TYW1B: variants seen among roughly 807,000 people sequenced by gnomAD.
The protein encoded by TYW1B is tRNA-yW synthesizing protein 1 homolog B.
In TYW1B, 73 loss-of-function variants were observed where a neutral mutation model predicts 86.9. The observed-to-expected ratio is 0.84, with a 90% CI of 0.70 to 1.02. The LOEUF (loss-of-function observed/expected upper bound fraction) is 1.02, where lower values mean the gene tolerates loss of function less well. Among genes scored for constraint, TYW1B ranks in the 50% least tolerant of loss-of-function variants. The pLI is 0.00. For synonymous variants in TYW1B, 248 were observed against 292.8 expected, an observed-to-expected ratio of 0.85 and a Z score of 1.56; for missense variants, 637 against 827.4, an observed-to-expected ratio of 0.77 and a Z score of 2.82.
chr7:72,630,138 G>A (rs1223867314), intron 11 of TYW1B, among the ~76,000 whole-genome samples: 3 of 152,070 alleles, frequency 2.0e-5, no homozygotes, highest in Admixed American at 1.3e-4. Flanking sequence ...AATGAGCCAG[G>A]CGTGGCGGCG....
intron 13 of TYW1B, among the ~76,000 whole-genome samples, chr7:72,616,326 T>C (rs1285481125): frequency 6.6e-6 from 1 of 152,166 alleles, no homozygotes; most frequent in Non-Finnish European, 1.5e-5. Context: ...TAGAAACCCA[T>C]ATGGGGACTA....
intron 2 of TYW1B, 88 bp from the exon 3 acceptor site, chr7:72,815,569 T>A: frequency 8.2e-7 from 1 of 1,212,686 alleles, no homozygotes; most frequent in Non-Finnish European, 1.2e-6. Context: ...GAATGTGGCA[T>A]TCCTCATGAA....
In TYW1B at chr7:72,575,148, C is replaced by T; in HGVS notation, c.*350G>A. 22 of 1,082,204 alleles carry T rather than the reference C, an allele frequency of 2.0e-5. No individual in the cohort carries two copies. The highest frequency in any genetic ancestry group is 3.2e-5 in the South Asian group (1 of 31,120). 67.0% of individuals were successfully genotyped at this position (1,082,204 alleles called of 1,614,324 possible). ...GTGAGGGGAAGAGGCCCAGGGATTTCTTCCTTGTCTGACACTCTCAGGACT... is the reference window on the plus strand; with the variant it reads ...GTGAGGGGAAGAGGCCCAGGGATTTTTTCCTTGTCTGACACTCTCAGGACT... On this transcript the variant is annotated 3_prime_UTR_variant, in exon 14 of 14. Transcript: ENST00000620995.
intron 10 of TYW1B, among the ~76,000 whole-genome samples, chr7:72,712,482 T>C (rs1554454972): frequency 1.3e-5 from 2 of 152,006 alleles, no homozygotes; most frequent in African/African-American, 4.8e-5. Context: ...GCATGCACCA[T>C]CATGCCCAGC....
At position 72,744,600 on chromosome 7, in the gene TYW1B, G is replaced by A. The variant is rs782539677; in HGVS notation, c.966C>T (p.Val322=). The A allele has an allele frequency of 2.5e-5, 41 of 1,613,440 alleles. 1 individual carries two copies. Among genetic ancestry groups the A allele is most frequent in the South Asian group, 2.1e-4 (19 of 91,062 alleles). Residue 322 remains valine, a splice_region_variant and synonymous_variant, in exon 8 of 14, where the codon GTC becomes GTT. Transcript: ENST00000620995. ...ACAAGCTCCTCTCCCTCGGAGCATC[G>A]ACTATGACAAGTAAACAAATCACAA... ...PALREALTKQ[V]DAPRERSLLQ...
intron 6 of TYW1B, among the ~76,000 whole-genome samples, chr7:72,786,022 T>C (rs371773949): frequency 5.9e-5 from 9 of 151,866 alleles, no homozygotes; most frequent in East Asian, 3.9e-4. Flanking sequence ...TGAGGCAGAA[T>C]TGCATGAACC....
At chr7:72,775,521 T>C (rs2129572005) in intron 7 of TYW1B, among the ~76,000 whole-genome samples, 1 of 152,276 alleles carries the variant, frequency 6.6e-6, no homozygotes, top group Admixed American at 6.5e-5. Context: ...CAGTAACATC[T>C]GTAAAGTACT....
Position 72,655,342 on chromosome 7 carries a change from C to T in TYW1B, c.1507-26345G>A, listed in dbSNP as rs545031874. On this transcript the variant is annotated intron_variant, in intron 11 of 13. Transcript: ENST00000620995. ...AGGAGGCTTTCTGGAATCCACATGA[C>T]TAACCGTTCCAGAGAGAGAATTCAC... Among the ~76,000 whole-genome samples, 81 of 152,296 alleles carry T rather than the reference C, an allele frequency of 5.3e-4. No individual in the cohort carries two copies. In the South Asian group the frequency reaches 0.012, roughly 22 times the overall value.
chr7:72,802,043 T>C (rs1156253832), intron 6 of TYW1B, among the ~76,000 whole-genome samples: 1 of 7,362 alleles, frequency 1.4e-4, no homozygotes, highest in East Asian at 3.5e-3. Flanking sequence ...ATTTTGCGAT[T>C]TTTTTTTTTT....
intron 8 of TYW1B, among the ~76,000 whole-genome samples, chr7:72,733,964 CA>C (rs1293556035): frequency 5.9e-5 from 9 of 152,026 alleles, no homozygotes; most frequent in Non-Finnish European, 7.4e-5. Context: ...TACATGACTT[CA>C]AAATATACTA....
chr7:72,741,592 T>A (rs2129571295), intron 8 of TYW1B, among the ~76,000 whole-genome samples: 1 of 152,102 alleles, frequency 6.6e-6, no homozygotes, highest in South Asian at 2.1e-4. Context: ...TATTGAAAAA[T>A]TCCCAAATTT....
Position 72,697,120 on chromosome 7 carries a change from A to G in TYW1B, c.1371-2298T>C, listed in dbSNP as rs534115548. On this transcript the variant is annotated intron_variant, in intron 10 of 13. Coordinates refer to ENST00000620995, the MANE Select transcript of TYW1B (RefSeq NM_001145440.3). ...ATCTGATAACTAACAGGACTTTGTC[A>G]AAAGCTTCCTGATGCAAAATGAGAA... Among the ~76,000 whole-genome samples the G allele has an allele frequency of 7.7e-4, 117 of 152,084 alleles. 1 individual carries two copies. The highest frequency in any genetic ancestry group is 2.5e-3 in the African/African-American group (105 of 41,486).
intron 7 of TYW1B, among the ~76,000 whole-genome samples, chr7:72,761,650 T>C (rs1193497042): frequency 6.6e-6 from 1 of 151,834 alleles, no homozygotes; most frequent in African/African-American, 2.4e-5. Flanking sequence ...TAATTTTGTC[T>C]AACGTAGAGG....
intron 9 of TYW1B, among the ~76,000 whole-genome samples, chr7:72,716,044 C>T (rs1554455896): frequency 6.6e-6 from 1 of 152,224 alleles, no homozygotes; most frequent in African/African-American, 2.4e-5. Context: ...CATTCTCCTG[C>T]CTCAGCCTCC....
At chr7:72,820,601 T>C (rs1415801110) in intron 2 of TYW1B, among the ~76,000 whole-genome samples, 1 of 152,042 alleles carries the variant, frequency 6.6e-6, no homozygotes, top group African/African-American at 2.4e-5. Flanking sequence ...AAAGATCACA[T>C]AGCAAGAGAG....
intron 6 of TYW1B, among the ~76,000 whole-genome samples, chr7:72,789,195 G>A (rs543955262): frequency 8.6e-5 from 13 of 151,450 alleles, no homozygotes; most frequent in African/African-American, 2.7e-4. Context: ...GTGCAGTGGC[G>A]TAATCTAGGC....
At chr7:72,697,711 A>G (rs1814355997) in intron 10 of TYW1B, among the ~76,000 whole-genome samples, 1 of 152,186 alleles carries the variant, frequency 6.6e-6, no homozygotes, top group African/African-American at 2.4e-5. Flanking sequence ...TAAAAAGGAT[A>G]TCCTCTGCTC....
chr7:72,779,324 T>C (rs1788008904), intron 6 of TYW1B, among the ~76,000 whole-genome samples: 1 of 152,302 alleles, frequency 6.6e-6, no homozygotes, highest in African/African-American at 2.4e-5. Context: ...CATAAGTTGC[T>C]GGTTGATGAG....
intron 7 of TYW1B, among the ~76,000 whole-genome samples, chr7:72,757,383 A>G (rs1305760587): frequency 6.6e-6 from 1 of 151,726 alleles, no homozygotes; most frequent in African/African-American, 2.4e-5. Context: ...AAAAAAAAAA[A>G]AAACCAGAAA....
Sources: allele counts gnomAD v4.1 joint callset (sites outside exome capture counted in the v4.1 genomes callset), GRCh38; gene constraint gnomAD v4.1.1; transcripts MANE v1.5; gene names NCBI Gene and HGNC (gene_info 2026-07-23, HGNC 2026-07-21).